Variants in FAF1 observed in about 807,000 individuals in gnomAD.
The protein encoded by FAF1 is FAS-associated factor 1.
A neutral mutation model predicts 92.5 loss-of-function variants in FAF1; 25 were observed. The ratio of observed to expected loss-of-function variants is 0.27; its 90% CI spans 0.20 to 0.38. The LOEUF is 0.38. FAF1 is among the 10% of genes least tolerant of loss of function. The pLI is 1.00. For missense variants in FAF1, 636 were observed against 793.3 expected (o/e 0.80, Z 2.38); for synonymous variants, 234 against 273.2 (o/e 0.86, Z 1.42).
intron 1 of FAF1, among the ~76,000 whole-genome samples, chr1:50,910,587 G>A (rs946569022): frequency 1.2e-4 from 18 of 152,050 alleles, no homozygotes; most frequent in African/African-American, 2.2e-4. Flanking sequence ...CAGCAATGGC[G>A]GACGCCCCTC....
At chr1:50,781,070 A>G (rs1226027912) in intron 4 of FAF1, 1 of 400,664 alleles carries the variant, frequency 2.5e-6, no homozygotes, top group Non-Finnish European at 4.9e-6. Flanking sequence ...GTCACAGAGG[A>G]CATTGAGTAC....
chr1:50,580,697 C>T (rs970433703), intron 12 of FAF1, among the ~76,000 whole-genome samples: 28 of 152,228 alleles, frequency 1.8e-4, no homozygotes, highest in African/African-American at 5.3e-4. Flanking sequence ...GTCAACTAAA[C>T]ATACAATAAT....
At chr1:50,764,855 T>C (rs1444844967) in intron 4 of FAF1, among the ~76,000 whole-genome samples, 1 of 152,216 alleles carries the variant, frequency 6.6e-6, no homozygotes, top group East Asian at 1.9e-4. Context: ...AGAGATGTAA[T>C]TTACAAGAGC....
At chr1:50,819,434 G>C (rs1166486606) in intron 2 of FAF1, among the ~76,000 whole-genome samples, 1 of 149,932 alleles carries the variant, frequency 6.7e-6, no homozygotes, top group African/African-American at 2.5e-5. Flanking sequence ...GGGCAATACA[G>C]CAAGACTCTG....
intron 9 of FAF1, among the ~76,000 whole-genome samples, chr1:50,588,805 G>A (rs115409586): frequency 0.056 from 8,593 of 152,340 alleles, 243 homozygotes; most frequent in East Asian, 0.073. Flanking sequence ...GAAGGCCAGA[G>A]CCAGTGAAAT....
intron 8 of FAF1, among the ~76,000 whole-genome samples, chr1:50,641,780 C>T (rs1654339813): frequency 6.6e-6 from 1 of 152,166 alleles, no homozygotes; most frequent in Non-Finnish European, 1.5e-5. Flanking sequence ...AAATCTCTAC[C>T]TGTGTGTCAG....
chr1:50,955,214 AAC>A (rs764040142), intron 1 of FAF1, among the ~76,000 whole-genome samples: 4 of 152,238 alleles, frequency 2.6e-5, no homozygotes. Flanking sequence ...TTACAAAAAG[AAC>A]AGTTATTCTA....
chr1:50,512,006 CT>C (rs1459245702), intron 15 of FAF1, among the ~76,000 whole-genome samples: 13 of 152,124 alleles, frequency 8.5e-5, no homozygotes, highest in Admixed American at 8.5e-4. Context: ...TGATGACGAG[CT>C]TTTTTTCATG....
intron 8 of FAF1, among the ~76,000 whole-genome samples, chr1:50,647,096 G>C (rs1018614207): frequency 6.6e-6 from 1 of 152,036 alleles, no homozygotes; most frequent in African/African-American, 2.4e-5. Flanking sequence ...CAATCCACCT[G>C]CCTCAGCCTC....
At chr1:50,572,114 T>C (rs1286946850) in intron 12 of FAF1, among the ~76,000 whole-genome samples, 1 of 152,222 alleles carries the variant, frequency 6.6e-6, no homozygotes, top group Non-Finnish European at 1.5e-5. Flanking sequence ...ATCAGAATCA[T>C]TATCACTATC....
intron 2 of FAF1, among the ~76,000 whole-genome samples, chr1:50,850,740 A>G (rs1195640961): frequency 3.3e-5 from 5 of 152,272 alleles, no homozygotes; most frequent in East Asian, 3.9e-4. Flanking sequence ...ACTTAAAGAT[A>G]GAGAAGTATA....
chr1:50,684,415 G>A (rs1304175620), intron 7 of FAF1, among the ~76,000 whole-genome samples: 1 of 152,082 alleles, frequency 6.6e-6, no homozygotes, highest in Admixed American at 6.6e-5. Flanking sequence ...TAAAGCAGCT[G>A]ATATACTCAA....
intron 1 of FAF1, among the ~76,000 whole-genome samples, chr1:50,945,507 G>A (rs1421424922): frequency 6.6e-6 from 1 of 152,178 alleles, no homozygotes; most frequent in Admixed American, 6.5e-5. Context: ...ACAGTCCTTT[G>A]CTTTGTGTTC....
At chr1:50,685,195 A>C (rs1425945364) in intron 7 of FAF1, among the ~76,000 whole-genome samples, 1 of 152,350 alleles carries the variant, frequency 6.6e-6, no homozygotes, top group East Asian at 1.9e-4. Context: ...TTATGTGTTC[A>C]GAGGCAGGTA....
intron 1 of FAF1, among the ~76,000 whole-genome samples, chr1:50,942,121 A>C (rs1237988901): frequency 6.6e-6 from 1 of 152,246 alleles, no homozygotes; most frequent in Non-Finnish European, 1.5e-5. Flanking sequence ...TATGGAAATA[A>C]CAACAATGGC....
chr1:50,737,651 C>G (rs1659196683), intron 6 of FAF1, among the ~76,000 whole-genome samples: 1 of 152,192 alleles, frequency 6.6e-6, no homozygotes, highest in Non-Finnish European at 1.5e-5. Context: ...TCCAAGAACT[C>G]TTTAAATTCT....
At chr1:50,863,615 T>C (rs376370191) in intron 1 of FAF1, among the ~76,000 whole-genome samples, 4 of 152,100 alleles carry the variant, frequency 2.6e-5, no homozygotes, top group East Asian at 3.9e-4. Context: ...AGTATTTTAT[T>C]GAGGATTCTT....
chr1:50,652,221 GAAAC>G (rs1654896630), intron 8 of FAF1, among the ~76,000 whole-genome samples: 1 of 152,166 alleles, frequency 6.6e-6, no homozygotes, highest in Non-Finnish European at 1.5e-5. Flanking sequence ...TACAGTCTTG[GAAAC>G]AAACAGTTTT....
Position 50,717,264 on chromosome 1 carries a change from A to G in FAF1, c.552-11373T>C, listed in dbSNP as rs1658215938. ...CCCCCAATGTGATGATTATTTGGAT[A>G]TGGGGTCTTTGGGAGGTAATCAGGT... On this transcript the variant is annotated intron_variant, in intron 6 of 18. Transcript: ENST00000396153. Among the ~76,000 whole-genome samples, 8 of 152,308 alleles carry G rather than the reference A, an allele frequency of 5.3e-5. No homozygotes were observed. The South Asian group carries it at 1.7e-3, about 32-fold the overall frequency.
Sources: gnomAD v4.1 joint callset for allele counts (sites outside exome capture counted in the v4.1 genomes callset) on GRCh38, gnomAD v4.1.1 for gene constraint, MANE v1.5 for transcripts, NCBI Gene and HGNC (gene_info 2026-07-23, HGNC 2026-07-21) for gene names.